The following TSHZ1 variants were observed in gnomAD, a reference collection of about 807,000 sequenced individuals.
TSHZ1 encodes the protein teashirt zinc finger homeobox 1, also known as teashirt homolog 1.
Under a neutral mutation model 67.1 loss-of-function variants are expected in TSHZ1, and 12 were observed. The observed-to-expected ratio is 0.18, with a 90% CI of 0.11 to 0.29. The LOEUF (loss-of-function observed/expected upper bound fraction) is 0.29. TSHZ1 is among the 10% of genes least tolerant of loss of function. TSHZ1 has a pLI of 1.00. For synonymous variants in TSHZ1, 632 were observed against 622.4 expected, an observed-to-expected ratio of 1.02 and a Z score of -0.23; for missense variants, 1,305 against 1,413.9, an observed-to-expected ratio of 0.92 and a Z score of 1.23.
chr18:75,250,136 A>G (rs2023280058), intron 1 of TSHZ1, among the ~76,000 whole-genome samples: 1 of 144,512 alleles, frequency 6.9e-6, no homozygotes, highest in African/African-American at 2.6e-5. Context: ...TGACCCCTGC[A>G]GTAGGTGGGG....
chr18:75,254,378 A>C (rs965400955), intron 1 of TSHZ1, among the ~76,000 whole-genome samples: 3 of 152,240 alleles, frequency 2.0e-5, no homozygotes, highest in African/African-American at 7.2e-5. Context: ...TCGTCTATGC[A>C]GAAACCTATT....
chr18:75,258,503 A>G (rs2023390425), intron 1 of TSHZ1, among the ~76,000 whole-genome samples: 1 of 152,178 alleles, frequency 6.6e-6, no homozygotes, highest in Non-Finnish European at 1.5e-5. Context: ...TACAGGCCTC[A>G]TTTAAGAAAA....
At chr18:75,233,142 T>C (rs2023022058) in intron 1 of TSHZ1, among the ~76,000 whole-genome samples, 1 of 152,234 alleles carries the variant, frequency 6.6e-6, no homozygotes, top group Non-Finnish European at 1.5e-5. Flanking sequence ...TTCTGTGTCG[T>C]AGGAGTTCTC....
At position 75,211,832 on chromosome 18, in the gene TSHZ1, G is replaced by C; in HGVS notation, c.-45G>C. 1.8e-6 allele frequency: 2 copies of C among 1,117,270 alleles called. No homozygotes were observed. Among genetic ancestry groups the C allele is most frequent in the Non-Finnish European group, 2.2e-6 (2 of 915,392 alleles). 69.2% of individuals were successfully genotyped at this position (1,117,270 alleles called of 1,614,324 possible). ...GGGGCCCCGCGTCCCCGCGCCCCGC[G>C]AACTCCGGCGGCGGCTGAGGCGACG... is the stretch of plus-strand genomic sequence containing the variant. On this transcript the variant is annotated 5_prime_UTR_variant, in exon 1 of 2. Coordinates refer to ENST00000580243, the MANE Select transcript of TSHZ1 (RefSeq NM_001308210.2).
Position 75,288,953 on chromosome 18 carries a change from CAA to C in TSHZ1, c.*313_*314del. On this transcript the variant is annotated 3_prime_UTR_variant, in exon 2 of 2. Coordinates refer to ENST00000580243, the MANE Select transcript of TSHZ1 (RefSeq NM_001308210.2). This position sits in a 1 kb window ranked among gnomAD's most constrained non-coding sequence, Gnocchi z 4.9. ...TAGCAGTAAAGAAAGACACAAATAA[CAA>C]TGATAAAAAGACATCCTAAAATGGT... The C allele has an allele frequency of 4.4e-6, 1 of 229,484 alleles. No individual in the cohort carries two copies. The highest frequency in any genetic ancestry group is 9.0e-6 in the Non-Finnish European group (1 of 111,012). 14.2% of individuals were successfully genotyped at this position (229,484 alleles called of 1,614,324 possible). A position where few individuals can be genotyped will look rare whatever the true frequency, so the allele number is the denominator to read the frequency against.
rs562576744 is a variant in TSHZ1, at chr18:75,265,018, G to A, written c.41-20430G>A. The stretch of plus-strand genomic sequence containing the variant: ...TGGCTTAAATTGGTACGTTAAATAT[G>A]CTTCTGTTTTAAAATATTTTAATTT... On this transcript the variant is annotated intron_variant, in intron 1 of 1. Transcript: ENST00000580243. Among the ~76,000 whole-genome samples the A allele has an allele frequency of 2.0e-5, 3 of 152,272 alleles. No individual in the cohort carries two copies. In the East Asian group the frequency reaches 5.8e-4, roughly 29 times the overall value.
In TSHZ1 at chr18:75,285,572, G is replaced by T. The variant is rs1417949037; in HGVS notation, c.165G>T (p.Glu55Asp). ...GCAATGAAGAGACGGAGATCAAAGA[G>T]GCGCAGAGCTACCAGAACTCCCCAG... The part of the protein sequence containing the change: ...YMCNEETEIK[E>D]AQSYQNSPVS... The change falls in exon 2 of 2, where the codon GAG becomes GAT. Residue 55 changes from glutamate (E) to aspartate (D), a missense_variant. By Grantham distance (45) the Glu-to-Asp change is conservative. Transcript: ENST00000580243. The T allele has an allele frequency of 1.3e-6, 2 of 1,599,136 alleles. No homozygotes were observed.
intron 1 of TSHZ1, among the ~76,000 whole-genome samples, chr18:75,254,487 A>G (rs1388555370): frequency 6.6e-6 from 1 of 152,234 alleles, no homozygotes; most frequent in African/African-American, 2.4e-5. Flanking sequence ...TTATTTACTC[A>G]TAGACAATAT....
rs2022732667 is a variant in TSHZ1 at position 75,213,928 on chromosome 18, G to GA, written c.40+2018dup. Among the ~76,000 whole-genome samples the GA allele has an allele frequency of 3.9e-5, 6 of 152,224 alleles. No individual in the cohort carries two copies. In the South Asian group the frequency reaches 1.2e-3, roughly 32 times the overall value. On this transcript the variant is annotated intron_variant, in intron 1 of 1. Transcript: ENST00000580243. ...ATCTGCTGTACAGGAACTTGAGAGG[G>GA]AAAAAACCCTAAAAAATGGAGCCAA...
intron 1 of TSHZ1, among the ~76,000 whole-genome samples, chr18:75,223,082 G>A (rs1281459489): frequency 6.6e-6 from 1 of 152,208 alleles, no homozygotes; most frequent in African/African-American, 2.4e-5. Flanking sequence ...CTCATGATGG[G>A]TGTGAGGGTG....
At chr18:75,249,559 C>A (rs2023268641) in intron 1 of TSHZ1, among the ~76,000 whole-genome samples, 1 of 151,886 alleles carries the variant, frequency 6.6e-6, no homozygotes, top group Non-Finnish European at 1.5e-5. Context: ...CGCCATCTCA[C>A]CCCTATAGTA....
At chr18:75,259,006 C>T (rs530134040) in intron 1 of TSHZ1, among the ~76,000 whole-genome samples, 7 of 152,270 alleles carry the variant, frequency 4.6e-5, no homozygotes, top group South Asian at 2.1e-4. Context: ...ATCTTTTGCC[C>T]TTTGTCCATT....
At chr18:75,212,240 A>T (rs904181308) in intron 1 of TSHZ1, among the ~76,000 whole-genome samples, 1 of 152,166 alleles carries the variant, frequency 6.6e-6, no homozygotes, top group Non-Finnish European at 1.5e-5. Flanking sequence ...GAGGGGAAGT[A>T]GTTGCTCCTT....
At chr18:75,279,214 C>T (rs1208246135) in intron 1 of TSHZ1, among the ~76,000 whole-genome samples, 1 of 152,072 alleles carries the variant, frequency 6.6e-6, no homozygotes, top group Non-Finnish European at 1.5e-5. Flanking sequence ...GTCCTCCCAG[C>T]TGTCTTGAAG....
intron 1 of TSHZ1, among the ~76,000 whole-genome samples, chr18:75,277,449 C>T (rs1245499301): frequency 6.6e-6 from 1 of 152,002 alleles, no homozygotes; most frequent in Non-Finnish European, 1.5e-5. Flanking sequence ...AGCAGAGCAC[C>T]GTAGACTGTG....
intron 1 of TSHZ1, among the ~76,000 whole-genome samples, chr18:75,215,996 AG>A (rs2022761944): frequency 7.6e-6 from 1 of 131,538 alleles, no homozygotes; most frequent in African/African-American, 2.8e-5. Context: ...GTGGTGGGGG[AG>A]GGTTGGAAGG....
intron 1 of TSHZ1, among the ~76,000 whole-genome samples, chr18:75,258,245 G>A (rs1176502067): frequency 6.6e-6 from 1 of 152,138 alleles, no homozygotes; most frequent in Admixed American, 6.5e-5. Flanking sequence ...CCACTGTCAG[G>A]GTGCTCTCTG....
At chr18:75,269,371 A>C (rs138123055) in intron 1 of TSHZ1, among the ~76,000 whole-genome samples, 32 of 152,292 alleles carry the variant, frequency 2.1e-4, no homozygotes, top group Non-Finnish European at 3.5e-4. Context: ...TCTGTGCTCA[A>C]GGAGACCTGG....
At chr18:75,229,906 G>A (rs2022975640) in intron 1 of TSHZ1, among the ~76,000 whole-genome samples, 1 of 152,172 alleles carries the variant, frequency 6.6e-6, no homozygotes, top group African/African-American at 2.4e-5. Context: ...AGTAAAAACA[G>A]GAAAATACCA....
Sources: gnomAD v4.1 joint callset for allele counts (sites outside exome capture counted in the v4.1 genomes callset) on GRCh38, gnomAD v4.1.1 for gene constraint, Gnocchi (gnomAD v3.1) non-coding constraint, MANE v1.5 for transcripts, NCBI Gene and HGNC (gene_info 2026-07-23, HGNC 2026-07-21) for gene names.